MSMP: variants seen among roughly 807,000 people sequenced by gnomAD.
The protein encoded by MSMP is microseminoprotein, prostate associated, also known as prostate-associated microseminoprotein.
Under a neutral mutation model 15.8 loss-of-function variants are expected in MSMP, and 9 were observed. The observed-to-expected ratio is 0.57, with a 90% CI of 0.34 to 0.99. The LOEUF (loss-of-function observed/expected upper bound fraction) is 0.99. MSMP is among the 50% of genes least tolerant of loss of function. The pLI is 0.02. For missense variants in MSMP, 170 were observed against 173.4 expected, an observed-to-expected ratio of 0.98 and a Z score of 0.11; for synonymous variants, 64 against 64.4, an observed-to-expected ratio of 0.99 and a Z score of 0.03.
At position 35,753,299 on chromosome 9, in the gene MSMP, G is replaced by A. The variant is rs1054891660; in HGVS notation, c.240-19C>T. 2.5e-6 allele frequency: 4 copies of A among 1,610,720 alleles called. No individual in the cohort carries two copies. Among genetic ancestry groups the A allele is most frequent in the African/African-American group, 2.7e-5 (2 of 74,922 alleles). ...CTGGGACCTGGGGAACCAAGGATAG[G>A]GGAAGGAGTCAGCACAGTGAAAGGC... On this transcript the variant is annotated intron_variant, in intron 2 of 2. Transcript: ENST00000436428. The surrounding 1 kb of genome is among the most constrained non-coding windows in gnomAD (Gnocchi z 4.2).
Position 35,753,918 on chromosome 9 carries a change from G to T in MSMP, c.130+82C>A. ...CAGCTGGAGGAAGCCTGGGTATTTT[G>T]ACACGGGATCATCTGTAAGGCCCCA... On this transcript the variant is annotated intron_variant, in intron 1 of 2. Coordinates refer to ENST00000436428, the MANE Select transcript of MSMP (RefSeq NM_001044264.3). This position sits in a 1 kb window ranked among gnomAD's most constrained non-coding sequence, Gnocchi z 4.2. The T allele has an allele frequency of 6.4e-7, 1 of 1,560,152 alleles. No individual in the cohort carries two copies. Among genetic ancestry groups the T allele is most frequent in the South Asian group, 1.2e-5 (1 of 82,668 alleles).
chr9:35,753,538 G>A lies in MSMP; in HGVS notation c.239+122C>T. 1.1e-6 allele frequency: 1 copy of A among 892,912 alleles called. No individual in the cohort carries two copies. The allele number at this position is 892,912 out of a possible 1,614,324, so 55.3% of individuals were successfully genotyped here. ...TTCACACTAGTGTTGGTCCCTTCAG[G>A]TTTGGCCCATCTTGTATTGCTCTTC... On this transcript the variant is annotated intron_variant, in intron 2 of 2. Transcript: ENST00000436428. The surrounding 1 kb of genome is among the most constrained non-coding windows in gnomAD (Gnocchi z 4.2).
Position 35,753,493 on chromosome 9 carries a change from T to C in MSMP, c.239+167A>G, listed in dbSNP as rs1827307006. ...AGGTCCACCCCAACCTCCCCTGATT[T>C]ATAGCCTGAAGCCTTATCTTTCACA... On this transcript the variant is annotated intron_variant, in intron 2 of 2. Transcript: ENST00000436428. This position sits in a 1 kb window ranked among gnomAD's most constrained non-coding sequence, Gnocchi z 4.2. The C allele has an allele frequency of 1.3e-6, 1 of 776,310 alleles. No homozygotes were observed. Among genetic ancestry groups the C allele is most frequent in the Admixed American group, 2.8e-5 (1 of 35,214 alleles). The allele number at this position is 776,310 out of a possible 1,614,324, so 48.1% of individuals were successfully genotyped here.
Position 35,753,947 on chromosome 9 carries a change from TC to T in MSMP, c.130+52del. The T allele has an allele frequency of 6.3e-7, 1 of 1,583,744 alleles. No homozygotes were observed. The highest frequency in any genetic ancestry group is 1.2e-5 in the South Asian group (1 of 86,398). On this transcript the variant is annotated intron_variant, in intron 1 of 2. Transcript: ENST00000436428. The surrounding 1 kb of genome is among the most constrained non-coding windows in gnomAD (Gnocchi z 4.2). Reference sequence around the variant, plus strand: ...CGGGATCATCTGTAAGGCCCCATCCTCCCTGTGCCCTCTCTGCTGCTCCTCC... The same window carrying T: ...CGGGATCATCTGTAAGGCCCCATCCTCCTGTGCCCTCTCTGCTGCTCCTCC...
rs1459536025 is a variant in MSMP at position 35,753,806 on chromosome 9, G to T, written c.131-38C>A. 1 of 1,575,854 alleles carries T rather than the reference G, an allele frequency of 6.3e-7. No individual in the cohort carries two copies. The highest frequency in any genetic ancestry group is 1.1e-5 in the South Asian group (1 of 89,928). ...GGGAAATGTTAGTAGGTGTAGGAGTGCTGATGAGAGGCAGAGGCTCTTCTG... is the reference window on the plus strand; with the variant it reads ...GGGAAATGTTAGTAGGTGTAGGAGTTCTGATGAGAGGCAGAGGCTCTTCTG... On this transcript the variant is annotated intron_variant, in intron 1 of 2. Transcript: ENST00000436428. This position sits in a 1 kb window ranked among gnomAD's most constrained non-coding sequence, Gnocchi z 4.2.
chr9:35,753,799 T>C lies in MSMP; in HGVS notation c.131-31A>G. The C allele has an allele frequency of 6.3e-7, 1 of 1,594,018 alleles. No homozygotes were observed. Among genetic ancestry groups the C allele is most frequent in the Non-Finnish European group, 8.6e-7 (1 of 1,162,260 alleles). The stretch of plus-strand genomic sequence containing the variant: ...GAAGAACGGGAAATGTTAGTAGGTG[T>C]AGGAGTGCTGATGAGAGGCAGAGGC... On this transcript the variant is annotated intron_variant, in intron 1 of 2. Coordinates refer to ENST00000436428, the MANE Select transcript of MSMP (RefSeq NM_001044264.3). The surrounding 1 kb of genome is among the most constrained non-coding windows in gnomAD (Gnocchi z 4.2).
Position 35,753,929 on chromosome 9 carries a change from A to G in MSMP, c.130+71T>C. 2 of 1,566,544 alleles carry G rather than the reference A, an allele frequency of 1.3e-6. No individual in the cohort carries two copies. Among genetic ancestry groups the G allele is most frequent in the Non-Finnish European group, 1.7e-6 (2 of 1,152,818 alleles). ...AGCCTGGGTATTTTGACACGGGATC[A>G]TCTGTAAGGCCCCATCCTCCCTGTG... On this transcript the variant is annotated intron_variant, in intron 1 of 2. Transcript: ENST00000436428. The surrounding 1 kb of genome is among the most constrained non-coding windows in gnomAD (Gnocchi z 4.2).
At position 35,753,072 on chromosome 9, in the gene MSMP, C is replaced by A; in HGVS notation, c.*28G>T. On this transcript the variant is annotated 3_prime_UTR_variant, in exon 3 of 3. Coordinates refer to ENST00000436428, the MANE Select transcript of MSMP (RefSeq NM_001044264.3). The surrounding 1 kb of genome is among the most constrained non-coding windows in gnomAD (Gnocchi z 4.2). ...CCCTGGAAGTGGCAGCAGCAGTGAG[C>A]AGTCAGCAGATGGATGATCAGTTGA... is the stretch of plus-strand genomic sequence containing the variant. The A allele has an allele frequency of 6.2e-7, 1 of 1,607,156 alleles. No homozygotes were observed.
chr9:35,753,560 C>T lies in MSMP; in HGVS notation c.239+100G>A. The T allele has an allele frequency of 2.9e-6, 3 of 1,043,296 alleles. No homozygotes were observed. The highest frequency in any genetic ancestry group is 4.3e-6 in the Non-Finnish European group (3 of 696,912). 64.6% of individuals were successfully genotyped at this position (1,043,296 alleles called of 1,614,324 possible). A position where few individuals can be genotyped will look rare whatever the true frequency, so the allele number is the denominator to read the frequency against. The stretch of plus-strand genomic sequence containing the variant: ...CAGGTTTGGCCCATCTTGTATTGCT[C>T]TTCTGTTCATTCTTACATCACAGCA... On this transcript the variant is annotated intron_variant, in intron 2 of 2. Transcript: ENST00000436428. The surrounding 1 kb of genome is among the most constrained non-coding windows in gnomAD (Gnocchi z 4.2).
chr9:35,754,111 A>C lies in MSMP; in HGVS notation c.19T>G (p.Trp7Gly), dbSNP rs1413945572. Residue 7 changes from tryptophan to glycine, a missense_variant, in exon 1 of 3, where the codon TGG (tryptophan) becomes GGG (glycine). Trp to Gly is a radical substitution (Grantham distance 184, BLOSUM62 -2). Coordinates refer to ENST00000436428, the MANE Select transcript of MSMP (RefSeq NM_001044264.3). MALRML[W>G]AGQAKGILGG... ...AGGATCCCCTTGGCCTGTCCAGCCC[A>C]GAGCATCCTTAGGGCCATTGCTGCT... is the stretch of plus-strand genomic sequence containing the variant. 3 of 1,613,296 alleles carry C rather than the reference A, an allele frequency of 1.9e-6. No homozygotes were observed. Among genetic ancestry groups the C allele is most frequent in the Non-Finnish European group, 2.5e-6 (3 of 1,179,552 alleles).
chr9:35,753,286 G>A lies in MSMP; in HGVS notation c.240-6C>T, dbSNP rs757483124. The A allele has an allele frequency of 6.2e-7, 1 of 1,612,658 alleles. No individual in the cohort carries two copies. Among genetic ancestry groups the A allele is most frequent in the Admixed American group, 1.7e-5 (1 of 60,012 alleles). On this transcript the variant is annotated splice_region_variant and splice_polypyrimidine_tract_variant and intron_variant, in intron 2 of 2. Coordinates refer to ENST00000436428, the MANE Select transcript of MSMP (RefSeq NM_001044264.3). The surrounding 1 kb of genome is among the most constrained non-coding windows in gnomAD (Gnocchi z 4.2). ...AGTCGATGGGATGCTGGGACCTGGGGAACCAAGGATAGGGGAAGGAGTCAG... is the reference window on the plus strand; with the variant it reads ...AGTCGATGGGATGCTGGGACCTGGGAAACCAAGGATAGGGGAAGGAGTCAG...
Position 35,753,381 on chromosome 9 carries a change from C to A in MSMP, c.240-101G>T. On this transcript the variant is annotated intron_variant, in intron 2 of 2. Transcript: ENST00000436428. This position sits in a 1 kb window ranked among gnomAD's most constrained non-coding sequence, Gnocchi z 4.2. ...TCACAGTTTTCCCCCCACAGAGCCCCTTTCAGTGGCCCCTTGGTCCTCCTA... is the reference window on the plus strand; with the variant it reads ...TCACAGTTTTCCCCCCACAGAGCCCATTTCAGTGGCCCCTTGGTCCTCCTA... The A allele has an allele frequency of 7.6e-7, 1 of 1,317,000 alleles. No individual in the cohort carries two copies. Among genetic ancestry groups the A allele is most frequent in the East Asian group, 2.4e-5 (1 of 41,308 alleles). 81.6% of individuals were successfully genotyped at this position (1,317,000 alleles called of 1,614,324 possible). A position where few individuals can be genotyped will look rare whatever the true frequency, so the allele number is the denominator to read the frequency against.
chr9:35,753,565 G>A lies in MSMP; in HGVS notation c.239+95C>T. On this transcript the variant is annotated intron_variant, in intron 2 of 2. Transcript: ENST00000436428. The surrounding 1 kb of genome is among the most constrained non-coding windows in gnomAD (Gnocchi z 4.2). Reference sequence around the variant, plus strand: ...TTGGCCCATCTTGTATTGCTCTTCTGTTCATTCTTACATCACAGCAATCTA... The same window carrying A: ...TTGGCCCATCTTGTATTGCTCTTCTATTCATTCTTACATCACAGCAATCTA... The A allele has an allele frequency of 9.2e-7, 1 of 1,084,896 alleles. No homozygotes were observed. The highest frequency in any genetic ancestry group is 1.6e-5 in the African/African-American group (1 of 63,950). The allele number at this position is 1,084,896 out of a possible 1,614,324, so 67.2% of individuals were successfully genotyped here.
At position 35,754,105 on chromosome 9, in the gene MSMP, C is replaced by T. The variant is rs769788892; in HGVS notation, c.25G>A (p.Gly9Arg). ...CCTCCTAGGATCCCCTTGGCCTGTC[C>T]AGCCCAGAGCATCCTTAGGGCCATT... The part of the protein sequence containing the change: MALRMLWA[G>R]QAKGILGGWG... Residue 9 changes from glycine (G) to arginine (R), a missense_variant, in exon 1 of 3, where the codon GGA becomes AGA. By Grantham distance (125) the Gly-to-Arg change is moderately radical. Coordinates refer to ENST00000436428, the MANE Select transcript of MSMP (RefSeq NM_001044264.3). 5.6e-6 allele frequency: 9 copies of T among 1,613,480 alleles called. No individual in the cohort carries two copies. The highest frequency in any genetic ancestry group is 7.6e-6 in the Non-Finnish European group (9 of 1,179,650).
At position 35,754,246 on chromosome 9, in the gene MSMP, G is replaced by T; in HGVS notation, c.-117C>A. 1 of 1,340,810 alleles carries T rather than the reference G, an allele frequency of 7.5e-7. No individual in the cohort carries two copies. Among genetic ancestry groups the T allele is most frequent in the Non-Finnish European group, 1.0e-6 (1 of 990,522 alleles). The allele number at this position is 1,340,810 out of a possible 1,614,324, so 83.1% of individuals were successfully genotyped here. A position where few individuals can be genotyped will look rare whatever the true frequency, so the allele number is the denominator to read the frequency against. On this transcript the variant is annotated 5_prime_UTR_variant, in exon 1 of 3. Coordinates refer to ENST00000436428, the MANE Select transcript of MSMP (RefSeq NM_001044264.3). ...TCTTAGTTTCTGTCTTTCTCCCCTG[G>T]GCTCCTGTCTCACACTATCTCCCTG...
In MSMP at chr9:35,753,828, T is replaced by A; in HGVS notation, c.131-60A>T. ...AGTGCTGATGAGAGGCAGAGGCTCT[T>A]CTGGTCTGGGGTGGAGACAGTAAGT... On this transcript the variant is annotated intron_variant, in intron 1 of 2. Transcript: ENST00000436428. This position sits in a 1 kb window ranked among gnomAD's most constrained non-coding sequence, Gnocchi z 4.2. The A allele has an allele frequency of 1.9e-6, 3 of 1,551,226 alleles. No individual in the cohort carries two copies. The highest frequency in any genetic ancestry group is 2.7e-6 in the Non-Finnish European group (3 of 1,125,698).
At position 35,753,390 on chromosome 9, in the gene MSMP, G is replaced by A; in HGVS notation, c.240-110C>T. 8.0e-7 allele frequency: 1 copy of A among 1,245,550 alleles called. No homozygotes were observed. The highest frequency in any genetic ancestry group is 1.4e-5 in the South Asian group (1 of 69,924). The allele number at this position is 1,245,550 out of a possible 1,614,324, so 77.2% of individuals were successfully genotyped here. ...TCCCCCCACAGAGCCCCTTTCAGTG[G>A]CCCCTTGGTCCTCCTAACTAAGCTG... On this transcript the variant is annotated intron_variant, in intron 2 of 2. Coordinates refer to ENST00000436428, the MANE Select transcript of MSMP (RefSeq NM_001044264.3). This position sits in a 1 kb window ranked among gnomAD's most constrained non-coding sequence, Gnocchi z 4.2.
chr9:35,753,646 C>A lies in MSMP; in HGVS notation c.239+14G>T. Reference sequence around the variant, plus strand: ...TATCAGAGTCATTCTCTCTGGCCATCTTTGGTCACTCACGTGTCACAGCAG... The same window carrying A: ...TATCAGAGTCATTCTCTCTGGCCATATTTGGTCACTCACGTGTCACAGCAG... On this transcript the variant is annotated intron_variant, in intron 2 of 2. Coordinates refer to ENST00000436428, the MANE Select transcript of MSMP (RefSeq NM_001044264.3). The surrounding 1 kb of genome is among the most constrained non-coding windows in gnomAD (Gnocchi z 4.2). 6.2e-7 allele frequency: 1 copy of A among 1,605,006 alleles called. No individual in the cohort carries two copies. The highest frequency in any genetic ancestry group is 8.5e-7 in the Non-Finnish European group (1 of 1,172,184).
At position 35,753,597 on chromosome 9, in the gene MSMP, C is replaced by T; in HGVS notation, c.239+63G>A. The T allele has an allele frequency of 1.5e-6, 2 of 1,379,118 alleles. No homozygotes were observed. The highest frequency in any genetic ancestry group is 1.4e-5 in the African/African-American group (1 of 69,808). The allele number at this position is 1,379,118 out of a possible 1,614,324, so 85.4% of individuals were successfully genotyped here. On this transcript the variant is annotated intron_variant, in intron 2 of 2. Coordinates refer to ENST00000436428, the MANE Select transcript of MSMP (RefSeq NM_001044264.3). The surrounding 1 kb of genome is among the most constrained non-coding windows in gnomAD (Gnocchi z 4.2). ...CTTACATCACAGCAATCTAGTCACT[C>T]CCTGGTCATCCCTCAGTCACTCATA...
Sources: gnomAD v4.1 joint callset for allele counts on GRCh38, gnomAD v4.1.1 for gene constraint, Gnocchi (gnomAD v3.1) non-coding constraint, MANE v1.5 for transcripts, NCBI Gene and HGNC (gene_info 2026-07-23, HGNC 2026-07-21) for gene names.